AGBL4: variants seen among roughly 807,000 people sequenced by gnomAD.
AGBL4 encodes cytosolic carboxypeptidase 6.
In AGBL4, 58 loss-of-function variants were observed where a neutral mutation model predicts 66.4. The ratio of observed to expected loss-of-function variants is 0.87; its 90% CI spans 0.71 to 1.09. The LOEUF is 1.09. AGBL4 is among the 50% of genes least tolerant of loss of function. The pLI is 0.00. For missense variants in AGBL4, 579 were observed against 631.0 expected (o/e 0.92, Z 0.88); for synonymous variants, 234 against 222.9 (o/e 1.05, Z -0.44).
intron 4 of AGBL4, among the ~76,000 whole-genome samples, chr1:49,046,800 G>A (rs1005506169): frequency 3.3e-5 from 5 of 152,128 alleles, no homozygotes; most frequent in African/African-American, 7.2e-5. Context: ...TGCTTAATAA[G>A]TCTTAACCAC....
chr1:49,938,233 C>T (rs1457948225), intron 1 of AGBL4, among the ~76,000 whole-genome samples: 3 of 152,112 alleles, frequency 2.0e-5, no homozygotes, highest in Non-Finnish European at 2.9e-5. Flanking sequence ...CGCAAATAAA[C>T]CAGAAAATCT....
intron 1 of AGBL4, among the ~76,000 whole-genome samples, chr1:49,887,764 T>TGACA (rs1468846932): frequency 1.3e-5 from 2 of 152,058 alleles, no homozygotes; most frequent in Non-Finnish European, 2.9e-5. Context: ...GAGGTGAAAA[T>TGACA]GACAGATATC....
chr1:49,693,181 A>G (rs1321350557), intron 3 of AGBL4, among the ~76,000 whole-genome samples: 2 of 152,212 alleles, frequency 1.3e-5, no homozygotes, highest in Non-Finnish European at 2.9e-5. Context: ...ATAGGACAGT[A>G]AAATAGTATA....
chr1:48,845,663 C>T (rs1646892916), intron 6 of AGBL4, among the ~76,000 whole-genome samples: 1 of 152,138 alleles, frequency 6.6e-6, no homozygotes, highest in Admixed American at 6.5e-5. Context: ...CCTGTAACAA[C>T]CTTTTGAGAT....
chr1:48,941,094 G>T (rs770271734), intron 5 of AGBL4, among the ~76,000 whole-genome samples: 6 of 152,150 alleles, frequency 3.9e-5, no homozygotes, highest in Non-Finnish European at 8.8e-5. Context: ...TGTGTCCAAA[G>T]GGAAGAGTCC....
Position 49,674,432 on chromosome 1 carries a change from C to A in AGBL4, c.282+22881G>T, listed in dbSNP as rs115356524. Among the ~76,000 whole-genome samples the A allele has an allele frequency of 6.8e-3, 1,028 of 151,544 alleles. 9 individuals carry two copies. Among genetic ancestry groups the A allele is most frequent in the African/African-American group, 0.024 (989 of 41,366 alleles). On this transcript the variant is annotated intron_variant, in intron 3 of 13. Transcript: ENST00000371839. Reference sequence around the variant, plus strand: ...CTTCATCTTAACTTGCCCAATTGCCCAGCCCATGCTTGCTATTTCTACTCT... The same window carrying A: ...CTTCATCTTAACTTGCCCAATTGCCAAGCCCATGCTTGCTATTTCTACTCT...
chr1:49,922,845 T>G (rs138416440), intron 1 of AGBL4, among the ~76,000 whole-genome samples: 1,667 of 152,212 alleles, frequency 0.011, 27 homozygotes, highest in African/African-American at 0.038. Context: ...CATTACATGC[T>G]CATGGATAGG....
chr1:49,179,230 T>G (rs1646884656), intron 4 of AGBL4, among the ~76,000 whole-genome samples: 1 of 152,094 alleles, frequency 6.6e-6, no homozygotes, highest in African/African-American at 2.4e-5. Flanking sequence ...AGGAGGCTAT[T>G]GCAGTAGCTC....
chr1:49,168,121 G>A (rs558478340), intron 4 of AGBL4, among the ~76,000 whole-genome samples: 1 of 152,152 alleles, frequency 6.6e-6, no homozygotes, highest in South Asian at 2.1e-4. Flanking sequence ...GATATCCGAG[G>A]GGGCTCCTGG....
intron 5 of AGBL4, among the ~76,000 whole-genome samples, chr1:48,914,007 G>C (rs545910015): frequency 6.6e-6 from 1 of 152,150 alleles, no homozygotes; most frequent in South Asian, 2.1e-4. Flanking sequence ...TATCAAGTGG[G>C]AAGTTGGAGG....
chr1:49,636,844 C>A (rs1645682542), intron 3 of AGBL4, among the ~76,000 whole-genome samples: 1 of 152,088 alleles, frequency 6.6e-6, no homozygotes, highest in Non-Finnish European at 1.5e-5. Flanking sequence ...TACTGAGTGT[C>A]AACTTGATTG....
chr1:49,780,294 C>T (rs545691491), intron 2 of AGBL4, among the ~76,000 whole-genome samples: 1 of 152,088 alleles, frequency 6.6e-6, no homozygotes, highest in South Asian at 2.1e-4. Context: ...TACTGTCATG[C>T]TTATAATACA....
chr1:48,971,413 T>G (rs570278838), intron 5 of AGBL4, among the ~76,000 whole-genome samples: 1 of 152,156 alleles, frequency 6.6e-6, no homozygotes, highest in African/African-American at 2.4e-5. Context: ...AAACAGTCCC[T>G]GGTGCCAAAA....
intron 1 of AGBL4, among the ~76,000 whole-genome samples, chr1:49,926,783 C>T (rs1200855665): frequency 6.6e-6 from 1 of 151,936 alleles, no homozygotes; most frequent in Non-Finnish European, 1.5e-5. Flanking sequence ...TCTCTTAATA[C>T]CAGAATTGAT....
At chr1:49,896,386 A>C (rs1649199751) in intron 1 of AGBL4, among the ~76,000 whole-genome samples, 1 of 152,060 alleles carries the variant, frequency 6.6e-6, no homozygotes, top group African/African-American at 2.4e-5. Context: ...ACATGAAACT[A>C]ATAGATTTTA....
rs1489867653 is a variant in AGBL4, at chr1:49,569,037, A to T, written c.282+128276T>A. ...ATGTGATACATAGACACAATGGAGT[A>T]CTATTCAGCCATGAAAGAGAATGAA... On this transcript the variant is annotated intron_variant, in intron 3 of 13. Transcript: ENST00000371839. 3.9e-5 allele frequency among the ~76,000 whole-genome samples: 6 copies of T among 152,362 alleles called. No individual in the cohort carries two copies. The East Asian group carries it at 1.2e-3, about 29-fold the overall frequency.
chr1:48,895,610 G>A (rs1377621338), intron 5 of AGBL4, among the ~76,000 whole-genome samples: 1 of 152,170 alleles, frequency 6.6e-6, no homozygotes, highest in Non-Finnish European at 1.5e-5. Flanking sequence ...TTAGTCTTTT[G>A]TAACCAAGCT....
chr1:49,612,592 A>T (rs568452709), intron 3 of AGBL4, among the ~76,000 whole-genome samples: 18 of 152,356 alleles, frequency 1.2e-4, no homozygotes, highest in African/African-American at 4.3e-4. Flanking sequence ...ACTTTTCGAA[A>T]GAATACATAC....
chr1:49,955,713 G>A (rs185888997), intron 1 of AGBL4, among the ~76,000 whole-genome samples: 23 of 151,930 alleles, frequency 1.5e-4, no homozygotes, highest in Admixed American at 7.2e-4. Flanking sequence ...TAGTGAAAGT[G>A]GTATTGAAGA....
Sources: allele counts gnomAD v4.1 joint callset (sites outside exome capture counted in the v4.1 genomes callset), GRCh38; gene constraint gnomAD v4.1.1; transcripts MANE v1.5; gene names NCBI Gene and HGNC (gene_info 2026-07-23, HGNC 2026-07-21).